Variants in WWC1 observed in about 807,000 individuals in gnomAD.
The protein encoded by WWC1 is WW and C2 domain containing 1.
Under a neutral mutation model 138.4 loss-of-function variants are expected in WWC1, and 55 were observed. The ratio of observed to expected loss-of-function variants is 0.40; its 90% confidence interval spans 0.32 to 0.50. The LOEUF (loss-of-function observed/expected upper bound fraction) is 0.50. Among genes scored for constraint, WWC1 ranks in the 20% least tolerant of loss-of-function variants. The probability of loss-of-function intolerance (pLI) is 0.72; values close to 1 mark genes in which losing one functional copy is unlikely to be tolerated. For synonymous variants in WWC1, 524 were observed against 564.9 expected, an observed-to-expected ratio of 0.93 and a Z score of 1.03; for missense variants, 1,226 against 1,420.4, an observed-to-expected ratio of 0.86 and a Z score of 2.20.
chr5:168,437,493 T>G (rs1754343547), intron 15 of WWC1, among the ~76,000 whole-genome samples: 1 of 152,190 alleles, frequency 6.6e-6, no homozygotes, highest in African/African-American at 2.4e-5. Flanking sequence ...AGTGTGGAGT[T>G]TACCTATGGA....
intron 15 of WWC1, among the ~76,000 whole-genome samples, chr5:168,433,018 C>CT (rs1286126682): frequency 3.0e-4 from 46 of 152,358 alleles, no homozygotes; most frequent in African/African-American, 1.1e-3. Context: ...AAACCCTTCT[C>CT]TATCATGGCA....
intron 1 of WWC1, among the ~76,000 whole-genome samples, chr5:168,309,704 A>G (rs185823588): frequency 6.6e-6 from 1 of 152,128 alleles, no homozygotes; most frequent in African/African-American, 2.4e-5. Flanking sequence ...GTCTTAGTAG[A>G]AAATAGACAC....
rs530791287 is a variant in WWC1, at chr5:168,462,266, GAGGCTACACAGGGA to G, written c.2916+1529_2916+1542del. Among the ~76,000 whole-genome samples, 25 of 152,254 alleles carry G rather than the reference GAGGCTACACAGGGA, an allele frequency of 1.6e-4. No individual in the cohort carries two copies. The East Asian group carries it at 4.8e-3, about 30-fold the overall frequency. On this transcript the variant is annotated intron_variant, in intron 20 of 22. Coordinates refer to ENST00000265293, the MANE Select transcript of WWC1 (RefSeq NM_015238.3). ...AGAGGAGAGAGACAGCAACACAGGG[GAGGCTACACAGGGA>G]AGGCAGAGTGTGCGGGTGTGGGAGA...
At chr5:168,305,683 G>T (rs549901542) in intron 1 of WWC1, among the ~76,000 whole-genome samples, 8 of 152,318 alleles carry the variant, frequency 5.3e-5, no homozygotes, top group African/African-American at 1.9e-4. Flanking sequence ...TCTACAAGGA[G>T]ATGAGGAGGT....
intron 1 of WWC1, among the ~76,000 whole-genome samples, chr5:168,343,592 G>A (rs904474292): frequency 6.6e-6 from 1 of 152,164 alleles, no homozygotes; most frequent in African/African-American, 2.4e-5. Flanking sequence ...GGGAGGCCGA[G>A]GTGGGCGGAT....
At chr5:168,312,390 C>A (rs1771187666) in intron 1 of WWC1, among the ~76,000 whole-genome samples, 1 of 152,138 alleles carries the variant, frequency 6.6e-6, no homozygotes. Context: ...GTAATTTGCC[C>A]AAGGTCGCAC....
Position 168,470,666 on chromosome 5 carries a change from C to A in WWC1, c.*1649C>A, listed in dbSNP as rs901522151. On this transcript the variant is annotated 3_prime_UTR_variant, in exon 23 of 23. Transcript: ENST00000265293. ...CCTGATCAACATGGAGAAACCTGGT[C>A]TCTACTAAAAATACATAATTAGCTG... 3.3e-5 allele frequency: 5 copies of A among 152,008 alleles called. No homozygotes were observed. The highest frequency in any genetic ancestry group is 6.6e-5 in the Admixed American group (1 of 15,250). The allele number at this position is 152,008 out of a possible 1,614,324, so 9.4% of individuals were successfully genotyped here.
At chr5:168,430,568 C>T (rs1781858579) in intron 14 of WWC1, among the ~76,000 whole-genome samples, 1 of 152,204 alleles carries the variant, frequency 6.6e-6, no homozygotes, top group African/African-American at 2.4e-5. Context: ...GAAGAATGGT[C>T]ACAGTCTGTT....
At chr5:168,297,465 A>C (rs1769640095) in intron 1 of WWC1, among the ~76,000 whole-genome samples, 1 of 152,094 alleles carries the variant, frequency 6.6e-6, no homozygotes, top group African/African-American at 2.4e-5. Context: ...CATCTCTACT[A>C]AAAGTACAAA....
intron 13 of WWC1, among the ~76,000 whole-genome samples, chr5:168,429,069 A>G (rs1781736408): frequency 6.6e-6 from 1 of 152,082 alleles, no homozygotes; most frequent in Non-Finnish European, 1.5e-5. Context: ...CAGAGCCAGG[A>G]CTGGGACTGA....
chr5:168,365,978 C>G (rs577484568), intron 1 of WWC1, among the ~76,000 whole-genome samples: 28 of 152,274 alleles, frequency 1.8e-4, no homozygotes, highest in African/African-American at 5.8e-4. Flanking sequence ...TTGCTTCACC[C>G]GAGGGTGGGG....
rs1781288581 is a variant in WWC1, at chr5:168,423,590, C to T, written c.1332C>T (p.Ser444=). The stretch of plus-strand genomic sequence containing the variant: ...GCAGCAGCCCCGGATCCCTCACGTC[C>T]AGCCGGGGCTCCCTGGTTGCATCCA... ...SSGSSPGSLT[S]SRGSLVASSL... The change falls in exon 11 of 23, where the codon TCC becomes TCT. Residue 444 remains serine, a synonymous_variant. Transcript: ENST00000265293. 1.2e-6 allele frequency: 2 copies of T among 1,614,112 alleles called. No individual in the cohort carries two copies. The highest frequency in any genetic ancestry group is 4.5e-5 in the East Asian group (2 of 44,868).
intron 19 of WWC1, among the ~76,000 whole-genome samples, chr5:168,456,240 G>A (rs891155689): frequency 4.6e-5 from 7 of 152,192 alleles, no homozygotes; most frequent in Middle Eastern, 3.4e-3. Flanking sequence ...GGAGTCCAAC[G>A]CTGCAGTGAG....
At chr5:168,377,110 AT>A in intron 2 of WWC1, among the ~76,000 whole-genome samples, 1 of 152,198 alleles carries the variant, frequency 6.6e-6, no homozygotes, top group Non-Finnish European at 1.5e-5. Flanking sequence ...AGAATAGAGA[AT>A]TTAGAATAAA....
At chr5:168,447,523 A>AC (rs143290136) in intron 17 of WWC1, among the ~76,000 whole-genome samples, 2,486 of 152,244 alleles carry the variant, frequency 0.016, 67 homozygotes, top group African/African-American at 0.057. Context: ...GCACCTTTTC[A>AC]CCAAGTATTC....
rs758249466 is a variant in WWC1 at position 168,441,704 on chromosome 5, C to A, written c.2303C>A (p.Ala768Glu). ...CAGGGAGGCGCCCAGATCAGCCTGG[C>A]GGAGGTCTGCCGGTCTGGGGAGAGG... ...ECLGGAQISLAEVCRSGERST... is the reference protein window; with the variant it reads ...ECLGGAQISLEEVCRSGERST... Residue 768 changes from alanine (A) to glutamate (E), a missense_variant, in exon 16 of 23, where the codon GCG (alanine) becomes GAG (glutamate). This residue lies in a region of WWC1 where 1,016 missense variants were observed against 1,153.9 expected (regional missense o/e 0.88). Transcript: ENST00000265293. 1 of 1,613,938 alleles carries A rather than the reference C, an allele frequency of 6.2e-7. No individual in the cohort carries two copies. Among genetic ancestry groups the A allele is most frequent in the African/African-American group, 1.3e-5 (1 of 74,906 alleles).
At chr5:168,443,752 A>T (rs1437696818) in intron 16 of WWC1, among the ~76,000 whole-genome samples, 3 of 152,222 alleles carry the variant, frequency 2.0e-5, no homozygotes, top group African/African-American at 7.2e-5. Flanking sequence ...AGAAAATGTC[A>T]GGAATTTTTC....
intron 10 of WWC1, among the ~76,000 whole-genome samples, chr5:168,422,386 T>C (rs1781159407): frequency 6.6e-6 from 1 of 152,192 alleles, no homozygotes; most frequent in African/African-American, 2.4e-5. Flanking sequence ...CCCAGCACTT[T>C]GGGAGGCCAA....
rs182214624 is a variant in WWC1, at chr5:168,406,393, G to A, written c.720+66G>A. The A allele has an allele frequency of 2.0e-4, 315 of 1,593,810 alleles. 1 individual carries two copies. Among genetic ancestry groups the A allele is most frequent in the South Asian group, 3.0e-4 (27 of 89,224 alleles). On this transcript the variant is annotated intron_variant, in intron 6 of 22. Coordinates refer to ENST00000265293, the MANE Select transcript of WWC1 (RefSeq NM_015238.3). ...TCCTGAGTATTCCTGTATGCCAGTCGTATGCGGGCTATTTCCACGTGGTAC... is the reference window on the plus strand; with the variant it reads ...TCCTGAGTATTCCTGTATGCCAGTCATATGCGGGCTATTTCCACGTGGTAC...
Sources: gnomAD v4.1 joint callset for allele counts (sites outside exome capture counted in the v4.1 genomes callset) on GRCh38, gnomAD v4.1.1 for gene constraint, gnomAD v4.1.1 regional missense constraint, MANE v1.5 for transcripts, NCBI Gene and HGNC (gene_info 2026-07-23, HGNC 2026-07-21) for gene names.